The following PIWIL2 variants were observed in gnomAD, a reference collection of about 807,000 sequenced individuals.
PIWIL2 encodes piwi like RNA-mediated gene silencing 2.
A neutral mutation model predicts 116.5 loss-of-function variants in PIWIL2; 81 were observed. That is an observed-to-expected ratio of 0.70 (90% confidence interval 0.58 to 0.84). The LOEUF (loss-of-function observed/expected upper bound fraction) is 0.84, where lower values mean the gene tolerates loss of function less well. PIWIL2 is among the 40% of genes least tolerant of loss of function. The pLI is 0.00. For synonymous variants in PIWIL2, 489 were observed against 429.5 expected (o/e 1.14, Z -1.71); for missense variants, 1,272 against 1,212.3 (o/e 1.05, Z -0.73).
chr8:22,297,210 G>A (rs1193254595), intron 10 of PIWIL2, among the ~76,000 whole-genome samples: 6 of 151,990 alleles, frequency 3.9e-5, no homozygotes, highest in East Asian at 1.9e-4. Flanking sequence ...GGCTGGTCTC[G>A]AACTCCTGGG....
At chr8:22,340,900 A>G (rs77943092) in intron 20 of PIWIL2, among the ~76,000 whole-genome samples, 7,534 of 152,060 alleles carry the variant, frequency 0.05, 288 homozygotes, top group Admixed American at 0.085. Flanking sequence ...TTTTGTAAAG[A>G]CAGGGTCTCA....
chr8:22,278,375 C>T (rs1298944008), intron 1 of PIWIL2, among the ~76,000 whole-genome samples: 2 of 152,074 alleles, frequency 1.3e-5, no homozygotes, highest in Non-Finnish European at 2.9e-5. Context: ...TACAAATTAG[C>T]TGGGTGTTGT....
chr8:22,341,166 A>G (rs1031795626), intron 20 of PIWIL2, among the ~76,000 whole-genome samples: 1 of 152,138 alleles, frequency 6.6e-6, no homozygotes, highest in African/African-American at 2.4e-5. Context: ...AGTGGGTTTT[A>G]TTCCGGTTAT....
At chr8:22,294,482 A>T (rs1586547624) in intron 10 of PIWIL2, among the ~76,000 whole-genome samples, 1 of 151,624 alleles carries the variant, frequency 6.6e-6, no homozygotes, top group East Asian at 2.0e-4. Context: ...TCTACTAAAA[A>T]TACAAAAAAT....
intron 20 of PIWIL2, among the ~76,000 whole-genome samples, chr8:22,324,086 A>C (rs1586579885): frequency 6.6e-6 from 1 of 152,160 alleles, no homozygotes; most frequent in Admixed American, 6.5e-5. Context: ...ACATGATGAA[A>C]CCCTGTCTTT....
chr8:22,335,070 A>AG (rs1488353721), intron 20 of PIWIL2, among the ~76,000 whole-genome samples: 2 of 135,108 alleles, frequency 1.5e-5, no homozygotes, highest in Non-Finnish European at 3.3e-5. Flanking sequence ...AAAAAAAAAA[A>AG]AAGTCAATTT....
chr8:22,349,731 G>C (rs1392964539), intron 20 of PIWIL2, among the ~76,000 whole-genome samples: 1 of 152,164 alleles, frequency 6.6e-6, no homozygotes, highest in Non-Finnish European at 1.5e-5. Flanking sequence ...GAGCAGAATA[G>C]AAATTGGCAG....
rs148765827 is a variant in PIWIL2 at position 22,353,363 on chromosome 8, T to C, written c.2657+151T>C. ...AAAGAATGAAGGTTTAAAAAATATT[T>C]AAGGGCCTGGCATGGTGGCTCACGT... On this transcript the variant is annotated intron_variant, in intron 21 of 22. Transcript: ENST00000356766. 3.2e-4 allele frequency: 234 copies of C among 724,924 alleles called. No individual in the cohort carries two copies. The East Asian group carries it at 4.2e-3, about 13-fold the overall frequency. The allele number at this position is 724,924 out of a possible 1,614,324, so 44.9% of individuals were successfully genotyped here. A position where few individuals can be genotyped will look rare whatever the true frequency, so the allele number is the denominator to read the frequency against.
intron 20 of PIWIL2, among the ~76,000 whole-genome samples, chr8:22,335,308 G>T (rs759048046): frequency 6.6e-6 from 1 of 152,096 alleles, no homozygotes; most frequent in Non-Finnish European, 1.5e-5. Flanking sequence ...TCAAAAGATA[G>T]TGGTTGACAG....
At chr8:22,318,907 C>T (rs1212589766) in intron 20 of PIWIL2, among the ~76,000 whole-genome samples, 2 of 152,354 alleles carry the variant, frequency 1.3e-5, no homozygotes, top group Non-Finnish European at 1.5e-5. Context: ...ATTAAAGCAG[C>T]TTATGAGTGT....
chr8:22,339,873 A>G (rs1469977352), intron 20 of PIWIL2, among the ~76,000 whole-genome samples: 1 of 152,100 alleles, frequency 6.6e-6, no homozygotes, highest in Non-Finnish European at 1.5e-5. Context: ...AAGAAGCTAA[A>G]TATCATTTGT....
At chr8:22,352,159 G>C (rs1832388087) in intron 20 of PIWIL2, among the ~76,000 whole-genome samples, 1 of 152,116 alleles carries the variant, frequency 6.6e-6, no homozygotes, top group Non-Finnish European at 1.5e-5. Context: ...TGGCCAGGCT[G>C]GTCTTGAACT....
chr8:22,321,748 G>C (rs1043549895), intron 20 of PIWIL2: 31 of 300,020 alleles, frequency 1.0e-4, no homozygotes, highest in African/African-American at 7.0e-4. Context: ...GCCTCTCCCA[G>C]AGCTTATCCT....
chr8:22,356,470 C>T lies in PIWIL2; in HGVS notation c.*965C>T, dbSNP rs1832492747. ...TGGATTTCAGTAACTTTCCAGCATA[C>T]CATGACGATTTCTTCCCCAAATATA... is the stretch of plus-strand genomic sequence containing the variant. On this transcript the variant is annotated 3_prime_UTR_variant, in exon 23 of 23. Coordinates refer to ENST00000356766, the MANE Select transcript of PIWIL2 (RefSeq NM_018068.5). 1 of 152,104 alleles carries T rather than the reference C, an allele frequency of 6.6e-6. No homozygotes were observed. The highest frequency in any genetic ancestry group is 2.1e-4 in the South Asian group (1 of 4,826). 9.4% of individuals were successfully genotyped at this position (152,104 alleles called of 1,614,324 possible).
At chr8:22,282,737 T>C (rs1247981658) in intron 4 of PIWIL2, among the ~76,000 whole-genome samples, 1 of 152,108 alleles carries the variant, frequency 6.6e-6, no homozygotes, top group Non-Finnish European at 1.5e-5. Context: ...ACTACAGTTA[T>C]GAGCCACCAT....
At position 22,303,433 on chromosome 8, in the gene PIWIL2, C is replaced by A. The variant is rs539124089; in HGVS notation, c.1182-588C>A. ...TAGGGACAGGGCCTTACTTTGTCACCCAGGATGGAGTGCAGTGATGCTATC... is the reference window on the plus strand; with the variant it reads ...TAGGGACAGGGCCTTACTTTGTCACACAGGATGGAGTGCAGTGATGCTATC... On this transcript the variant is annotated intron_variant, in intron 10 of 22. Coordinates refer to ENST00000356766, the MANE Select transcript of PIWIL2 (RefSeq NM_018068.5). Among the ~76,000 whole-genome samples, 3 of 152,130 alleles carry A rather than the reference C, an allele frequency of 2.0e-5. No homozygotes were observed. In the East Asian group the frequency reaches 5.8e-4, roughly 29 times the overall value.
chr8:22,288,501 G>A (rs1830681848), intron 7 of PIWIL2, 41 bp from the exon 8 acceptor site: 13 of 1,574,068 alleles, frequency 8.3e-6, no homozygotes, highest in Non-Finnish European at 1.1e-5. Flanking sequence ...TTAGTTCTTA[G>A]TTTTGTCATT....
intron 6 of PIWIL2, among the ~76,000 whole-genome samples, chr8:22,286,788 A>T (rs934463911): frequency 2.0e-5 from 3 of 151,550 alleles, no homozygotes; most frequent in African/African-American, 7.3e-5. Context: ...CACCCCACTA[A>T]TTTTTTTGTA....
chr8:22,314,442 T>G lies in PIWIL2; in HGVS notation c.2091+13T>G. 6.7e-7 allele frequency: 1 copy of G among 1,486,342 alleles called. No individual in the cohort carries two copies. Among genetic ancestry groups the G allele is most frequent in the Non-Finnish European group, 9.2e-7 (1 of 1,090,202 alleles). 92.1% of individuals were successfully genotyped at this position (1,486,342 alleles called of 1,614,324 possible). ...AGTGCCCTCCCAGGTGAGTGGGTGTTGGGGCAGGAGGCGCAGATGGCACCT... is the reference window on the plus strand; with the variant it reads ...AGTGCCCTCCCAGGTGAGTGGGTGTGGGGGCAGGAGGCGCAGATGGCACCT... On this transcript the variant is annotated intron_variant, in intron 17 of 22. Transcript: ENST00000356766.
Sources: gnomAD v4.1 joint callset for allele counts (sites outside exome capture counted in the v4.1 genomes callset) on GRCh38, gnomAD v4.1.1 for gene constraint, MANE v1.5 for transcripts, NCBI Gene and HGNC (gene_info 2026-07-23, HGNC 2026-07-21) for gene names.